GAS6: variants seen among roughly 807,000 people sequenced by gnomAD.
The protein encoded by GAS6 is growth arrest specific 6.
Under a neutral mutation model 75.8 loss-of-function variants are expected in GAS6, and 41 were observed. The observed-to-expected ratio is 0.54, with a 90% CI of 0.42 to 0.70. The LOEUF is 0.70. GAS6 is among the 30% of genes least tolerant of loss of function. The pLI, the probability that GAS6 is intolerant of heterozygous loss-of-function variation, is 0.00. For synonymous variants in GAS6, 432 were observed against 412.6 expected (o/e 1.05, Z -0.57); for missense variants, 854 against 940.2 (o/e 0.91, Z 1.20).
chr13:113,832,217 C>T lies in GAS6; in HGVS notation c.1143+82G>A, dbSNP rs372473582. 4.8e-5 allele frequency: 69 copies of T among 1,448,490 alleles called. 1 individual carries two copies. The highest frequency in any genetic ancestry group is 2.9e-4 in the East Asian group (12 of 41,058). The allele number at this position is 1,448,490 out of a possible 1,614,324, so 89.7% of individuals were successfully genotyped here. On this transcript the variant is annotated intron_variant, in intron 10 of 14. Coordinates refer to ENST00000327773, the MANE Select transcript of GAS6 (RefSeq NM_000820.4). Reference sequence around the variant, plus strand: ...GCAGGCCCCAGAGCTCATCTCCTAACGGTTGCATAAGCGAGTGACAGCTGA... The same window carrying T: ...GCAGGCCCCAGAGCTCATCTCCTAATGGTTGCATAAGCGAGTGACAGCTGA...
chr13:113,843,135 C>T (rs993556851), intron 4 of GAS6: 5 of 316,604 alleles, frequency 1.6e-5, no homozygotes, highest in East Asian at 4.7e-5. Flanking sequence ...TCTGCAGGCC[C>T]CCGAGGGCAC....
intron 5 of GAS6, chr13:113,839,133 G>A (rs1046549172): frequency 1.9e-5 from 3 of 157,696 alleles, no homozygotes; most frequent in African/African-American, 7.2e-5. Context: ...GACAGACAAG[G>A]CCAGGCCAGA....
Position 113,822,015 on chromosome 13 carries a change from C to A in GAS6, c.1825G>T (p.Ala609Ser). 1 of 1,562,872 alleles carries A rather than the reference C, an allele frequency of 6.4e-7. No individual in the cohort carries two copies. The change falls in exon 14 of 15, where the codon GCC becomes TCC. Residue 609 changes from alanine to serine, a missense_variant. By Grantham distance (99) the Ala-to-Ser change is moderately conservative (BLOSUM62 1). Transcript: ENST00000327773. ...VSAAQLQERLAVLERHLRSPV... is the reference protein window; with the variant it reads ...VSAAQLQERLSVLERHLRSPV... ...CTCCGCAGGTGCCTCTCGAGCACGG[C>A]CAGCCTCTCCTGCAGCTGCGCGGCG...
chr13:113,823,982 A>G (rs2051496336), intron 12 of GAS6, among the ~76,000 whole-genome samples: 1 of 152,166 alleles, frequency 6.6e-6, no homozygotes, highest in Admixed American at 6.5e-5. Flanking sequence ...CACAGGGCCC[A>G]GTGGGGGCTG....
Position 113,822,039 on chromosome 13 carries a change from C to T in GAS6, c.1801G>A (p.Ala601Thr), listed in dbSNP as rs148773342. Residue 601 changes from alanine to threonine, a missense_variant, in exon 14 of 15, where the codon GCC becomes ACC. Transcript: ENST00000327773. ...DGTRGQSEVS[A>T]AQLQERLAVL... ...GCCAGCCTCTCCTGCAGCTGCGCGG[C>T]GCTCACCTCGCTCTGGCCCCTGGTG... is the stretch of plus-strand genomic sequence containing the variant. 4.9e-5 allele frequency: 78 copies of T among 1,575,958 alleles called. No individual in the cohort carries two copies. Among genetic ancestry groups the T allele is most frequent in the Middle Eastern group, 1.9e-4 (1 of 5,362 alleles).
At chr13:113,834,079 G>A (rs528901933) in intron 8 of GAS6, among the ~76,000 whole-genome samples, 22 of 145,542 alleles carry the variant, frequency 1.5e-4, no homozygotes, top group Admixed American at 7.8e-4. Context: ...GGTGTGACAG[G>A]CACCAGTGTG....
intron 2 of GAS6, among the ~76,000 whole-genome samples, chr13:113,858,206 A>G (rs940823681): frequency 2.0e-5 from 3 of 152,256 alleles, no homozygotes; most frequent in East Asian, 3.9e-4. Context: ...GAGGGTGCAC[A>G]TGTGTCTGTG....
Position 113,828,565 on chromosome 13 carries a change from C to G in GAS6, c.1290G>C (p.Glu430Asp). The change falls in exon 11 of 15, where the codon GAG (glutamate) becomes GAC (aspartate). Residue 430 changes from glutamate to aspartate, a missense_variant. Physicochemically the swap from Glu to Asp is conservative, Grantham distance 45. Transcript: ENST00000327773. The part of the protein sequence containing the change: ...NLTVGGIPFH[E>D]KDLVQPINPR... ...TACTCACAGGCTGCACGAGGTCCTT[C>G]TCATGGAAGGGAATACCTCCCACGG... 6.2e-7 allele frequency: 1 copy of G among 1,613,456 alleles called. No homozygotes were observed. Among genetic ancestry groups the G allele is most frequent in the Non-Finnish European group, 8.5e-7 (1 of 1,179,958 alleles).
rs77858789 is a variant in GAS6, at chr13:113,829,091, G to A, written c.1144-380C>T. On this transcript the variant is annotated intron_variant, in intron 10 of 14. Transcript: ENST00000327773. ...TCCTCACCTGGGCCAAGAGGGTCCC[G>A]ATCTCAGGGAGGCCACCTGATCCTC... Among the ~76,000 whole-genome samples, 60 of 71,366 alleles carry A rather than the reference G, an allele frequency of 8.4e-4. 2 individuals carry two copies. Among genetic ancestry groups the A allele is most frequent in the Admixed American group, 1.5e-3 (11 of 7,146 alleles). The allele number at this position is 71,366 out of a possible 152,430, so 46.8% of individuals were successfully genotyped here.
In GAS6 at chr13:113,820,731, A is replaced by G. The variant is rs780910180; in HGVS notation, c.*133T>C. Reference sequence around the variant, plus strand: ...GCCCCAAGTCCATCTCACTATTTACAGATATGTTACAGGCCGGGATGGTCA... The same window carrying G: ...GCCCCAAGTCCATCTCACTATTTACGGATATGTTACAGGCCGGGATGGTCA... On this transcript the variant is annotated 3_prime_UTR_variant, in exon 15 of 15. Coordinates refer to ENST00000327773, the MANE Select transcript of GAS6 (RefSeq NM_000820.4). 1 of 1,061,816 alleles carries G rather than the reference A, an allele frequency of 9.4e-7. No homozygotes were observed. The highest frequency in any genetic ancestry group is 1.3e-6 in the Non-Finnish European group (1 of 757,138). The allele number at this position is 1,061,816 out of a possible 1,614,324, so 65.8% of individuals were successfully genotyped here.
chr13:113,849,678 A>C (rs752807158), intron 2 of GAS6, among the ~76,000 whole-genome samples: 3 of 152,224 alleles, frequency 2.0e-5, no homozygotes, highest in Non-Finnish European at 4.4e-5. Context: ...CTTAATGTGT[A>C]ATCTGTATTA....
At chr13:113,853,532 A>C (rs1594208633) in intron 2 of GAS6, among the ~76,000 whole-genome samples, 2 of 152,198 alleles carry the variant, frequency 1.3e-5, no homozygotes, top group African/African-American at 4.8e-5. Context: ...AGAATGTATT[A>C]CTCTCTTTAG....
At chr13:113,829,225 T>TCCCGAC (rs2051594933) in intron 10 of GAS6, among the ~76,000 whole-genome samples, 1 of 75,910 alleles carries the variant, frequency 1.3e-5, no homozygotes, top group Admixed American at 1.3e-4. Flanking sequence ...GCCAAGAGGG[T>TCCCGAC]CTCAATCTCA....
chr13:113,834,617 C>G lies in GAS6; in HGVS notation c.768G>C (p.Gly256=). 1 of 1,606,002 alleles carries G rather than the reference C, an allele frequency of 6.2e-7. No individual in the cohort carries two copies. The highest frequency in any genetic ancestry group is 8.5e-7 in the Non-Finnish European group (1 of 1,177,166). ...RCEQVCVNSP[G]SYTCHCDGRG... Reference sequence around the variant, plus strand: ...GCCCGTCACAGTGGCAGGTGTAGCTCCCTGGGGAGTTCACGCAGACCTGCT... The same window carrying G: ...GCCCGTCACAGTGGCAGGTGTAGCTGCCTGGGGAGTTCACGCAGACCTGCT... The change falls in exon 8 of 15, where the codon GGG becomes GGC. Residue 256 remains glycine (G), a synonymous_variant. Coordinates refer to ENST00000327773, the MANE Select transcript of GAS6 (RefSeq NM_000820.4).
chr13:113,833,484 A>C, intron 8 of GAS6: 1 of 989,236 alleles, frequency 1.0e-6, no homozygotes, highest in Admixed American at 6.0e-5. Flanking sequence ...ACTCTCATCA[A>C]CCCCCAGGCA....
intron 12 of GAS6, 45 bp downstream of exon 12, chr13:113,826,951 G>C (rs780950336): frequency 3.2e-6 from 5 of 1,558,020 alleles, no homozygotes; most frequent in Non-Finnish European, 4.4e-6. Flanking sequence ...ATGCCTGTCT[G>C]AAGGTGCAGC....
At chr13:113,842,762 C>T (rs375339230) in intron 4 of GAS6, 1 of 396,962 alleles carries the variant, frequency 2.5e-6, no homozygotes, top group Non-Finnish European at 4.4e-6. Context: ...TGTGCGCTGC[C>T]GCTACGATGT....
At chr13:113,835,372 C>A in intron 7 of GAS6, 141 bp downstream of exon 7, 1 of 1,015,062 alleles carries the variant, frequency 9.9e-7, no homozygotes. Context: ...CAGGCCATTA[C>A]CAGGCTGATA....
intron 2 of GAS6, among the ~76,000 whole-genome samples, chr13:113,853,208 C>T (rs1475988866): frequency 2.6e-5 from 4 of 152,224 alleles, no homozygotes; most frequent in Admixed American, 2.0e-4. Context: ...AAGCACCTCA[C>T]GCAGCCTAAA....
Sources: allele counts gnomAD v4.1 joint callset (sites outside exome capture counted in the v4.1 genomes callset), GRCh38; gene constraint gnomAD v4.1.1; transcripts MANE v1.5; gene names NCBI Gene and HGNC (gene_info 2026-07-23, HGNC 2026-07-21).